FUNDC2: variants seen among roughly 807,000 people sequenced by gnomAD.
FUNDC2 encodes the protein FUN14 domain containing 2.
A neutral mutation model predicts 15.6 loss-of-function variants in FUNDC2; 4 were observed. The observed-to-expected ratio is 0.26, with a 90% CI of 0.13 to 0.59. The LOEUF is 0.59. FUNDC2 is among the 20% of genes least tolerant of loss of function. The probability of loss-of-function intolerance (pLI) is 0.90; values close to 1 mark genes in which losing one functional copy is unlikely to be tolerated. For missense variants in FUNDC2, 98 were observed against 149.7 expected (o/e 0.65, Z 1.80); for synonymous variants, 44 against 56.9 (o/e 0.77, Z 1.02).
intron 1 of FUNDC2, among the ~76,000 whole-genome samples, chrX:155,028,920 C>T (rs1324575199): frequency 2.7e-5 from 3 of 111,665 alleles, no homozygotes; most frequent in East Asian, 2.8e-4. Flanking sequence ...TGCCCGCCTC[C>T]GCCCCCAGGA....
chrX:155,027,159 G>T (rs1357311696), intron 1 of FUNDC2, 88 bp downstream of exon 1: 22 of 956,007 alleles, frequency 2.3e-5, no homozygotes, highest in African/African-American at 8.4e-5. Flanking sequence ...CGCCAGTCGC[G>T]ACCGAGCTCC....
At chrX:155,036,245 C>T (rs782757767) in intron 2 of FUNDC2, among the ~76,000 whole-genome samples, 3 of 112,153 alleles carry the variant, frequency 2.7e-5, no homozygotes, top group East Asian at 2.8e-4. Context: ...TTTGAATTTG[C>T]GTTTCTCTAA....
At position 155,057,227 on chromosome X, in the gene FUNDC2, C is replaced by G. The variant is rs1557291125; in HGVS notation, c.*2555C>G. The G allele has an allele frequency of 6.3e-5, 7 of 111,690 alleles. No individual in the cohort carries two copies. The highest frequency in any genetic ancestry group is 1.3e-4 in the Non-Finnish European group (7 of 53,030). 9.2% of individuals were successfully genotyped at this position (111,690 alleles called of 1,213,427 possible). A position where few individuals can be genotyped will look rare whatever the true frequency, so the allele number is the denominator to read the frequency against. On this transcript the variant is annotated 3_prime_UTR_variant, in exon 5 of 5. Transcript: ENST00000369498. ...ACCTGTGAATCAAGGCCCTATTGTGCCAGCAGTTTTGTTTCAGGTGGTGAA... is the reference window on the plus strand; with the variant it reads ...ACCTGTGAATCAAGGCCCTATTGTGGCAGCAGTTTTGTTTCAGGTGGTGAA...
chrX:155,046,028 T>C (rs1165433951), intron 2 of FUNDC2, among the ~76,000 whole-genome samples: 1 of 110,959 alleles, frequency 9.0e-6, no homozygotes, highest in Non-Finnish European at 1.9e-5. Flanking sequence ...TCCTTGTTTT[T>C]ATATTGTAAA....
At position 155,041,416 on chromosome X, in the gene FUNDC2, C is replaced by T. The variant is rs6643729; in HGVS notation, c.285-5093C>T. On this transcript the variant is annotated intron_variant, in intron 2 of 4. Transcript: ENST00000369498. Reference sequence around the variant, plus strand: ...AGAAGGAAGCCTTTCACATTTTACTCCATAGTTTCTATTTCTTGTGCTCTT... The same window carrying T: ...AGAAGGAAGCCTTTCACATTTTACTTCATAGTTTCTATTTCTTGTGCTCTT... Among the ~76,000 whole-genome samples, 2,933 of 111,649 alleles carry T rather than the reference C, an allele frequency of 0.026. 301 individuals are homozygous for T. In the East Asian group the frequency reaches 0.46, roughly 18 times the overall value.
At chrX:155,030,222 T>A (rs2073810218) in intron 1 of FUNDC2, among the ~76,000 whole-genome samples, 1 of 109,638 alleles carries the variant, frequency 9.1e-6, no homozygotes, top group Non-Finnish European at 1.9e-5. Context: ...TTTTCTTTTG[T>A]TGCACTGGCT....
chrX:155,038,526 CACA>C (rs1326436437), intron 2 of FUNDC2, among the ~76,000 whole-genome samples: 1 of 111,870 alleles, frequency 8.9e-6, no homozygotes, highest in Non-Finnish European at 1.9e-5. Context: ...CGCCCCACCC[CACA>C]ACCTTTGGTC....
In FUNDC2 at chrX:155,056,957, T is replaced by C. The variant is rs2073902763; in HGVS notation, c.*2285T>C. 1 of 109,862 alleles carries C rather than the reference T, an allele frequency of 9.1e-6. No homozygotes were observed. The highest frequency in any genetic ancestry group is 1.9e-5 in the Non-Finnish European group (1 of 52,012). 9.1% of individuals were successfully genotyped at this position (109,862 alleles called of 1,213,427 possible). ...GTCTGAATTAAGATCTGTAGGTAGG[T>C]CCCTCCTGAAGTTTTTTCCCAGCTG... is the stretch of plus-strand genomic sequence containing the variant. On this transcript the variant is annotated 3_prime_UTR_variant, in exon 5 of 5. Transcript: ENST00000369498.
intron 4 of FUNDC2, chrX:155,054,155 C>G: frequency 1.3e-6 from 1 of 753,804 alleles, no homozygotes; most frequent in African/African-American, 2.3e-5. Context: ...GGAGAGACTT[C>G]AGGAAATGAG....
At position 155,058,220 on chromosome X, in the gene FUNDC2, G is replaced by C. The variant is rs1162903047; in HGVS notation, c.*3548G>C. ...TGCTGGCAGAAGACGATTCAAGTTGGCGGACTAGATTCTACAAGGAATGAT... is the reference window on the plus strand; with the variant it reads ...TGCTGGCAGAAGACGATTCAAGTTGCCGGACTAGATTCTACAAGGAATGAT... On this transcript the variant is annotated 3_prime_UTR_variant, in exon 5 of 5. Transcript: ENST00000369498. 2 of 111,351 alleles carry C rather than the reference G, an allele frequency of 1.8e-5. No homozygotes were observed. The highest frequency in any genetic ancestry group is 3.8e-5 in the Non-Finnish European group (2 of 53,104). 9.2% of individuals were successfully genotyped at this position (111,351 alleles called of 1,213,427 possible). A position where few individuals can be genotyped will look rare whatever the true frequency, so the allele number is the denominator to read the frequency against.
intron 1 of FUNDC2, among the ~76,000 whole-genome samples, chrX:155,032,191 G>A (rs2073817340): frequency 9.1e-6 from 1 of 109,984 alleles, no homozygotes; most frequent in African/African-American, 3.3e-5. Flanking sequence ...GGCCAGGCTG[G>A]CCTCAAACTC....
chrX:155,028,189 T>C (rs782451843), intron 1 of FUNDC2, among the ~76,000 whole-genome samples: 1 of 112,101 alleles, frequency 8.9e-6, no homozygotes, highest in East Asian at 2.8e-4. Context: ...TCAATTGTTA[T>C]CACAGTGATG....
intron 1 of FUNDC2, among the ~76,000 whole-genome samples, chrX:155,030,768 C>T (rs1385865391): frequency 6.7e-5 from 7 of 105,130 alleles, no homozygotes. Context: ...TCACTGCAAC[C>T]TCCGCCTCCC....
At chrX:155,027,196 G>C (rs928621256) in intron 1 of FUNDC2, 125 bp downstream of exon 1, 416 of 768,697 alleles carry the variant, frequency 5.4e-4, no homozygotes, top group Admixed American at 6.6e-4. Context: ...GCGCGGGGAC[G>C]GGGAGGGCGC....
intron 1 of FUNDC2, among the ~76,000 whole-genome samples, chrX:155,027,872 A>G (rs1315356843): frequency 8.9e-6 from 1 of 111,885 alleles, no homozygotes; most frequent in African/African-American, 3.3e-5. Context: ...TAGTTTCACA[A>G]TTCAGTAATG....
chrX:155,034,294 A>G (rs923165244), intron 2 of FUNDC2, among the ~76,000 whole-genome samples: 1 of 112,705 alleles, frequency 8.9e-6, no homozygotes, highest in Admixed American at 9.4e-5. Context: ...ATCAGTATGT[A>G]TTCTTTTGAG....
At position 155,037,037 on chromosome X, in the gene FUNDC2, T is replaced by G. The variant is rs192079062; in HGVS notation, c.284+3484T>G. Among the ~76,000 whole-genome samples the G allele has an allele frequency of 1.8e-5, 2 of 111,926 alleles. 1 individual carries two copies. Among genetic ancestry groups the G allele is most frequent in the African/African-American group, 6.5e-5 (2 of 30,796 alleles). ...CGATGAGATTTTGACTGGGATTGCA[T>G]TGATCCATAAACATTGGTGTATCTC... On this transcript the variant is annotated intron_variant, in intron 2 of 4. Transcript: ENST00000369498.
At chrX:155,029,476 G>A (rs1209578150) in intron 1 of FUNDC2, among the ~76,000 whole-genome samples, 1 of 110,962 alleles carries the variant, frequency 9.0e-6, no homozygotes, top group East Asian at 2.8e-4. Context: ...CTTTTTTGCC[G>A]GGCGTGGTGG....
Position 155,055,775 on chromosome X carries a change from C to G in FUNDC2, c.*1103C>G, listed in dbSNP as rs1002777475. 9.7e-5 allele frequency: 11 copies of G among 113,950 alleles called. No homozygotes were observed. Among genetic ancestry groups the G allele is most frequent in the Non-Finnish European group, 2.0e-4 (11 of 54,766 alleles). The allele number at this position is 113,950 out of a possible 1,213,427, so 9.4% of individuals were successfully genotyped here. A position where few individuals can be genotyped will look rare whatever the true frequency, so the allele number is the denominator to read the frequency against. ...GTCTTCACCATTATACTCACAGGGCCTAGCACTTAATAGGTGCTGAGTATT... is the reference window on the plus strand; with the variant it reads ...GTCTTCACCATTATACTCACAGGGCGTAGCACTTAATAGGTGCTGAGTATT... On this transcript the variant is annotated 3_prime_UTR_variant, in exon 5 of 5. Coordinates refer to ENST00000369498, the MANE Select transcript of FUNDC2 (RefSeq NM_023934.4).
Sources: gnomAD v4.1 joint callset for allele counts (sites outside exome capture counted in the v4.1 genomes callset) on GRCh38, gnomAD v4.1.1 for gene constraint, MANE v1.5 for transcripts, NCBI Gene and HGNC (gene_info 2026-07-23, HGNC 2026-07-21) for gene names.